The following GRHL2 variants were observed in gnomAD, a reference collection of about 807,000 sequenced individuals.
GRHL2 encodes grainyhead like transcription factor 2.
Under a neutral mutation model 83.8 loss-of-function variants are expected in GRHL2, and 21 were observed. That is an observed-to-expected ratio of 0.25 (90% CI 0.18 to 0.36). The LOEUF is 0.36. GRHL2 is among the 10% of genes least tolerant of loss of function. The pLI is 1.00. For missense variants in GRHL2, 623 were observed against 781.8 expected (o/e 0.80, Z 2.42); for synonymous variants, 280 against 278.9 (o/e 1.00, Z -0.04).
At chr8:101,576,453 C>CA (rs976727178) in intron 6 of GRHL2, among the ~76,000 whole-genome samples, 6 of 152,144 alleles carry the variant, frequency 3.9e-5, no homozygotes, top group African/African-American at 1.4e-4. Flanking sequence ...TTCCTGGACT[C>CA]AAGAGATCTT....
chr8:101,629,554 A>T (rs1378443476), intron 9 of GRHL2, among the ~76,000 whole-genome samples: 1 of 152,098 alleles, frequency 6.6e-6, no homozygotes, highest in African/African-American at 2.4e-5. Context: ...CTTTCCTCAT[A>T]AATAGTACAA....
At chr8:101,573,452 A>G (rs1811867192) in intron 5 of GRHL2, among the ~76,000 whole-genome samples, 1 of 152,038 alleles carries the variant, frequency 6.6e-6, no homozygotes, top group African/African-American at 2.4e-5. Context: ...CCCCTTCCAA[A>G]CCATCTGGTT....
At chr8:101,501,494 GAGAGGAGTGGAGAAAGGAGAGGAC>G (rs1810227901) in intron 1 of GRHL2, among the ~76,000 whole-genome samples, 1 of 152,206 alleles carries the variant, frequency 6.6e-6, no homozygotes, top group Non-Finnish European at 1.5e-5. Flanking sequence ...AAGTGAAGGA[GAGAGGAGTGGAGAAAGGAGAGGAC>G]AGAAGGGAGC....
intron 4 of GRHL2, chr8:101,562,098 G>T: frequency 1.5e-6 from 1 of 676,220 alleles, no homozygotes; most frequent in Admixed American, 1.8e-5. Context: ...AGATAAGATG[G>T]ATGTTTTGCT....
intron 7 of GRHL2, among the ~76,000 whole-genome samples, chr8:101,592,429 G>A (rs1034573705): frequency 7.2e-5 from 11 of 152,046 alleles, no homozygotes; most frequent in Admixed American, 3.9e-4. Context: ...AATACTGTGT[G>A]GAGTGAACCA....
chr8:101,593,810 A>C (rs2130296386), intron 7 of GRHL2, among the ~76,000 whole-genome samples: 1 of 152,258 alleles, frequency 6.6e-6, no homozygotes, highest in East Asian at 1.9e-4. Context: ...TCACACCTGT[A>C]ATCCCAGCAC....
intron 8 of GRHL2, among the ~76,000 whole-genome samples, chr8:101,606,505 A>G (rs1812637500): frequency 6.6e-6 from 1 of 152,242 alleles, no homozygotes. Context: ...GGTGAGAAGA[A>G]ACTAAAAGTG....
intron 12 of GRHL2, among the ~76,000 whole-genome samples, chr8:101,643,781 A>C (rs1307666600): frequency 6.6e-6 from 1 of 152,256 alleles, no homozygotes; most frequent in Non-Finnish European, 1.5e-5. Context: ...CTTGGACACC[A>C]TGTGGACACC....
intron 11 of GRHL2, among the ~76,000 whole-genome samples, chr8:101,633,402 A>C (rs1563617615): frequency 6.6e-6 from 1 of 152,204 alleles, no homozygotes; most frequent in Non-Finnish European, 1.5e-5. Flanking sequence ...CTTGCATTCT[A>C]AGCATGCAAA....
At chr8:101,574,300 G>A (rs1204654124) in intron 6 of GRHL2, among the ~76,000 whole-genome samples, 2 of 152,268 alleles carry the variant, frequency 1.3e-5, no homozygotes, top group South Asian at 2.1e-4. Flanking sequence ...GATGAGGCAC[G>A]ATCCCCACCA....
rs67985027 is a variant in GRHL2, at chr8:101,586,065, C to CTTTTTTTTTTTTTT, written c.1003+8558_1003+8571dup. ...TCTTCTTTCCTTCCACCTCATGTTT[C>CTTTTTTTTTTTTTT]TTTTTTTTTTTTTTTTTTTTTTTTT... On this transcript the variant is annotated intron_variant, in intron 7 of 15. Transcript: ENST00000646743. Among the ~76,000 whole-genome samples, 80 of 94,330 alleles carry CTTTTTTTTTTTTTT rather than the reference C, an allele frequency of 8.5e-4. 5 individuals carry two copies. The highest frequency in any genetic ancestry group is 2.8e-3 in the African/African-American group (66 of 23,280). 61.9% of individuals were successfully genotyped at this position (94,330 alleles called of 152,430 possible). A position where few individuals can be genotyped will look rare whatever the true frequency, so the allele number is the denominator to read the frequency against.
intron 7 of GRHL2, among the ~76,000 whole-genome samples, chr8:101,581,474 C>T (rs1812051861): frequency 6.6e-6 from 1 of 152,172 alleles, no homozygotes; most frequent in Admixed American, 6.5e-5. Context: ...TTACATTCTG[C>T]AGTCCCAGGA....
chr8:101,569,443 A>G (rs182814356), intron 4 of GRHL2, among the ~76,000 whole-genome samples: 7 of 152,318 alleles, frequency 4.6e-5, no homozygotes, highest in Middle Eastern at 3.4e-3. Flanking sequence ...ACTATGTACC[A>G]GGCTCTATTC....
intron 4 of GRHL2, among the ~76,000 whole-genome samples, chr8:101,563,484 C>A (rs1811650028): frequency 6.6e-6 from 1 of 152,098 alleles, no homozygotes; most frequent in African/African-American, 2.4e-5. Flanking sequence ...AGCAGCCCTG[C>A]CACTCCTGGC....
intron 14 of GRHL2, among the ~76,000 whole-genome samples, chr8:101,651,346 T>TA (rs1813617732): frequency 2.0e-5 from 3 of 152,222 alleles, no homozygotes; most frequent in Non-Finnish European, 2.9e-5. Context: ...ATTCTGATAC[T>TA]TCTGAATTGC....
At chr8:101,615,933 T>A (rs2130360859) in intron 8 of GRHL2, among the ~76,000 whole-genome samples, 1 of 152,278 alleles carries the variant, frequency 6.6e-6, no homozygotes, top group South Asian at 2.1e-4. Context: ...GCAGACAGCA[T>A]TTTCTGTCTC....
downstream of GRHL2, among the ~76,000 whole-genome samples, chr8:101,673,264 G>T (rs1181626310): frequency 6.8e-6 from 1 of 146,238 alleles, no homozygotes; most frequent in Non-Finnish European, 1.5e-5. Context: ...CTGGCAAATT[G>T]GATAGAGTCA....
intron 4 of GRHL2, among the ~76,000 whole-genome samples, chr8:101,560,934 C>A (rs1811595222): frequency 6.6e-6 from 1 of 151,868 alleles, no homozygotes; most frequent in Non-Finnish European, 1.5e-5. Context: ...GTCCATTAGC[C>A]TTTTTGTTTT....
At chr8:101,584,006 T>A (rs1196754893) in intron 7 of GRHL2, among the ~76,000 whole-genome samples, 1 of 152,256 alleles carries the variant, frequency 6.6e-6, no homozygotes, top group Non-Finnish European at 1.5e-5. Flanking sequence ...TGTGATGTAG[T>A]GAGCCTGATT....
Sources: allele counts gnomAD v4.1 joint callset (sites outside exome capture counted in the v4.1 genomes callset), GRCh38; gene constraint gnomAD v4.1.1; transcripts MANE v1.5; gene names NCBI Gene and HGNC (gene_info 2026-07-23, HGNC 2026-07-21).